ATP8A2: variants seen among roughly 807,000 people sequenced by gnomAD.
ATP8A2 encodes phospholipid-transporting ATPase IB.
ATP8A2 carries 100 observed loss-of-function variants against 165.6 expected under a neutral mutation model. The ratio of observed to expected loss-of-function variants is 0.60; its 90% CI spans 0.51 to 0.71. ATP8A2 has a LOEUF of 0.71. Among genes scored for constraint, ATP8A2 ranks in the 30% least tolerant of loss-of-function variants. The pLI, the probability that ATP8A2 is intolerant of heterozygous loss-of-function variation, is 0.00. For missense variants in ATP8A2, 1,227 were observed against 1,479.5 expected (o/e 0.83, Z 2.80); for synonymous variants, 543 against 548.8 (o/e 0.99, Z 0.15).
intron 24 of ATP8A2, among the ~76,000 whole-genome samples, chr13:25,639,848 T>G (rs2041469372): frequency 6.6e-6 from 1 of 152,168 alleles, no homozygotes; most frequent in South Asian, 2.1e-4. Flanking sequence ...ACCACATAGT[T>G]GGAAGTAAAG....
At chr13:25,620,178 C>T (rs578210149) in intron 24 of ATP8A2, among the ~76,000 whole-genome samples, 2 of 152,240 alleles carry the variant, frequency 1.3e-5, no homozygotes, top group South Asian at 2.1e-4. Context: ...ATTCTCTCCA[C>T]GATTCATCAT....
intron 23 of ATP8A2, among the ~76,000 whole-genome samples, chr13:25,587,314 A>G (rs1168748880): frequency 6.6e-6 from 1 of 152,226 alleles, no homozygotes; most frequent in Non-Finnish European, 1.5e-5. Flanking sequence ...TCACTTCCGT[A>G]TCCAAACTAA....
intron 24 of ATP8A2, among the ~76,000 whole-genome samples, chr13:25,670,963 C>T (rs2042250334): frequency 6.6e-6 from 1 of 152,196 alleles, no homozygotes; most frequent in Admixed American, 6.5e-5. Context: ...AAGTGTCTTG[C>T]TTCAGCTGTG....
intron 33 of ATP8A2, chr13:25,863,749 A>AG (rs904946635): frequency 2.2e-4 from 33 of 152,296 alleles, no homozygotes; most frequent in African/African-American, 7.2e-4. Flanking sequence ...CTAATAGCCC[A>AG]GGTCGTCTGA....
chr13:25,468,534 C>A (rs895481415), intron 1 of ATP8A2, among the ~76,000 whole-genome samples: 1 of 152,216 alleles, frequency 6.6e-6, no homozygotes, highest in African/African-American at 2.4e-5. Context: ...TCCCAGAAAA[C>A]CCAGTTCCAG....
intron 27 of ATP8A2, among the ~76,000 whole-genome samples, chr13:25,807,962 G>A (rs937426448): frequency 2.6e-5 from 4 of 151,908 alleles, no homozygotes; most frequent in Non-Finnish European, 5.9e-5. Context: ...CTGATACTGA[G>A]GCTCTACAGT....
At position 25,577,569 on chromosome 13, in the gene ATP8A2, C is replaced by T. The variant is rs141230262; in HGVS notation, c.1782+431C>T. On this transcript the variant is annotated intron_variant, in intron 20 of 36. Transcript: ENST00000381655. ...TTTTTTCTCATACATTATAGAGAGA[C>T]GTGTTTTAGGTACAAAGGCAATGTC... 2.3e-3 allele frequency among the ~76,000 whole-genome samples: 350 copies of T among 152,046 alleles called. 1 individual carries two copies. Among genetic ancestry groups the T allele is most frequent in the African/African-American group, 7.9e-3 (329 of 41,468 alleles).
chr13:25,534,768 G>A (rs1173799067), intron 6 of ATP8A2, among the ~76,000 whole-genome samples: 4 of 152,228 alleles, frequency 2.6e-5, no homozygotes, highest in South Asian at 2.1e-4. Flanking sequence ...GAAGCTCAGC[G>A]CTTCCCTTAA....
chr13:25,487,232 A>G (rs1028732195), intron 2 of ATP8A2, among the ~76,000 whole-genome samples: 2 of 152,174 alleles, frequency 1.3e-5, no homozygotes, highest in African/African-American at 4.8e-5. Flanking sequence ...TTTGTATTCC[A>G]CAGGCTGTCA....
At chr13:25,498,077 C>T (rs141574970) in intron 2 of ATP8A2, among the ~76,000 whole-genome samples, 41 of 152,280 alleles carry the variant, frequency 2.7e-4, no homozygotes, top group African/African-American at 9.6e-4. Context: ...TGTGGACACA[C>T]GTGCTCCGGA....
intron 2 of ATP8A2, among the ~76,000 whole-genome samples, chr13:25,512,948 CCGGG>C (rs2037304382): frequency 2.1e-5 from 3 of 143,558 alleles, no homozygotes; most frequent in Non-Finnish European, 4.6e-5. Context: ...GGGCGGCTGG[CCGGG>C]TGGGGGGCTG....
At chr13:25,986,057 T>C (rs1179588019) in intron 35 of ATP8A2, among the ~76,000 whole-genome samples, 2 of 149,894 alleles carry the variant, frequency 1.3e-5, no homozygotes, top group Non-Finnish European at 3.0e-5. Flanking sequence ...ACTGTCATTC[T>C]TTTTTTTTCT....
intron 2 of ATP8A2, among the ~76,000 whole-genome samples, chr13:25,476,721 G>C (rs1412732301): frequency 6.6e-6 from 1 of 152,192 alleles, no homozygotes; most frequent in East Asian, 1.9e-4. Context: ...AGTAATTGCT[G>C]ATGTTGAAAA....
At chr13:25,532,457 C>A in intron 5 of ATP8A2, 140 bp downstream of exon 5, 1 of 602,598 alleles carries the variant, frequency 1.7e-6, no homozygotes, top group South Asian at 2.5e-5. Context: ...AGTAAAATAA[C>A]AAACAAACTG....
chr13:25,558,353 T>G (rs7329453), intron 13 of ATP8A2, among the ~76,000 whole-genome samples: 77,507 of 151,700 alleles, frequency 0.51, 20,747 homozygotes, highest in Middle Eastern at 0.59. Context: ...GGTACGAGTA[T>G]TATATGTAGA....
intron 33 of ATP8A2, chr13:25,868,140 G>T (rs942887744): frequency 2.2e-6 from 1 of 456,074 alleles, no homozygotes; most frequent in African/African-American, 2.0e-5. Context: ...CCTCAGCCAA[G>T]GAAATAAACG....
chr13:25,738,533 A>T (rs1476934122), intron 25 of ATP8A2, among the ~76,000 whole-genome samples: 1 of 152,224 alleles, frequency 6.6e-6, no homozygotes, highest in Non-Finnish European at 1.5e-5. Flanking sequence ...CGAGCAGGGA[A>T]CACAGGAAGC....
intron 27 of ATP8A2, among the ~76,000 whole-genome samples, chr13:25,800,805 G>C (rs141567973): frequency 2.6e-5 from 4 of 152,158 alleles, no homozygotes; most frequent in African/African-American, 9.6e-5. Context: ...GTAAGCAACA[G>C]TGAGAATAAC....
chr13:25,933,764 G>A (rs1345748657), intron 33 of ATP8A2, among the ~76,000 whole-genome samples: 2 of 152,268 alleles, frequency 1.3e-5, no homozygotes, highest in Admixed American at 1.3e-4. Flanking sequence ...CTGTCCACGG[G>A]ACTGGCTTAC....
Sources: allele counts gnomAD v4.1 joint callset (sites outside exome capture counted in the v4.1 genomes callset), GRCh38; gene constraint gnomAD v4.1.1; transcripts MANE v1.5; gene names NCBI Gene and HGNC (gene_info 2026-07-23, HGNC 2026-07-21).